The following GAREM1 variants were observed in gnomAD, a reference collection of about 807,000 sequenced individuals.
GAREM1 encodes GRB2-associated and regulator of MAPK protein 1.
A neutral mutation model predicts 71.3 loss-of-function variants in GAREM1; 26 were observed. The observed-to-expected ratio is 0.36, with a 90% CI of 0.27 to 0.51. The LOEUF (loss-of-function observed/expected upper bound fraction) is 0.51. Among genes scored for constraint, GAREM1 ranks in the 20% least tolerant of loss-of-function variants. GAREM1 has a pLI of 0.95. For synonymous variants in GAREM1, 440 were observed against 433.2 expected, an observed-to-expected ratio of 1.02 and a Z score of -0.20; for missense variants, 1,026 against 1,103.1, an observed-to-expected ratio of 0.93 and a Z score of 0.99.
intron 1 of GAREM1, among the ~76,000 whole-genome samples, chr18:32,394,624 T>C (rs923262335): frequency 1.3e-5 from 2 of 152,144 alleles, no homozygotes; most frequent in East Asian, 3.9e-4. Flanking sequence ...GGATGTGGCC[T>C]GGCTTTTTCA....
intron 4 of GAREM1, among the ~76,000 whole-genome samples, chr18:32,278,479 T>C (rs1485190287): frequency 6.6e-6 from 1 of 152,208 alleles, no homozygotes; most frequent in Non-Finnish European, 1.5e-5. Flanking sequence ...GTAGGGGAGC[T>C]TGATTTAAAA....
intron 3 of GAREM1, among the ~76,000 whole-genome samples, chr18:32,304,820 C>T (rs2047236370): frequency 6.6e-6 from 1 of 152,138 alleles, no homozygotes; most frequent in South Asian, 2.1e-4. Flanking sequence ...CTGAGCCACT[C>T]TACAGTCCAA....
At chr18:32,306,462 A>G (rs598074) in intron 3 of GAREM1, among the ~76,000 whole-genome samples, 48,421 of 151,530 alleles carry the variant, frequency 0.32, 10,120 homozygotes, top group African/African-American at 0.6. Flanking sequence ...GTTTAGCAGC[A>G]ACCCCCCCCA....
intron 1 of GAREM1, among the ~76,000 whole-genome samples, chr18:32,455,062 T>C (rs1599060417): frequency 6.6e-6 from 1 of 152,204 alleles, no homozygotes; most frequent in African/African-American, 2.4e-5. Context: ...CTGCATGGAA[T>C]CCAGGATCGA....
intron 1 of GAREM1, among the ~76,000 whole-genome samples, chr18:32,403,919 A>C (rs1240335385): frequency 6.6e-6 from 1 of 152,252 alleles, no homozygotes; most frequent in Admixed American, 6.5e-5. Context: ...TGTAGAAATT[A>C]CAAGCATTTT....
intron 1 of GAREM1, among the ~76,000 whole-genome samples, chr18:32,437,873 A>C (rs1369921830): frequency 6.6e-6 from 1 of 152,188 alleles, no homozygotes; most frequent in East Asian, 1.9e-4. Flanking sequence ...TGCTCCTCAC[A>C]TTCTTAAACT....
rs755005444 is a variant in GAREM1 at position 32,270,296 on chromosome 18, G to A, written c.1654C>T (p.Arg552Cys). 63 of 1,613,932 alleles carry A rather than the reference G, an allele frequency of 3.9e-5. No homozygotes were observed. Among genetic ancestry groups the A allele is most frequent in the Admixed American group, 8.3e-5 (5 of 59,980 alleles). Residue 552 changes from arginine to cysteine, a missense_variant, in exon 5 of 6, where the codon CGC becomes TGC. By Grantham distance (180) the Arg-to-Cys change is radical. Transcript: ENST00000269209. Reference protein sequence around the residue: ...PLSTSPSIPPRTVKPARQQTR... With the variant: ...PLSTSPSIPPCTVKPARQQTR... ...TGTTGCCGCGCTGGCTTGACTGTGCGAGGAGGGATGGAGGGACTGGTGGAC... is the reference window on the plus strand; with the variant it reads ...TGTTGCCGCGCTGGCTTGACTGTGCAAGGAGGGATGGAGGGACTGGTGGAC...
intron 1 of GAREM1, among the ~76,000 whole-genome samples, chr18:32,404,002 T>C (rs1007384316): frequency 6.6e-6 from 1 of 152,184 alleles, no homozygotes; most frequent in African/African-American, 2.4e-5. Context: ...GGAACAAAGG[T>C]ATGCAGGACC....
At chr18:32,317,894 A>G (rs543737021) in intron 2 of GAREM1, among the ~76,000 whole-genome samples, 1 of 151,626 alleles carries the variant, frequency 6.6e-6, no homozygotes, top group South Asian at 2.1e-4. Context: ...TACATGACAC[A>G]TATTCCCACA....
intron 2 of GAREM1, among the ~76,000 whole-genome samples, chr18:32,362,154 G>A (rs1403315563): frequency 1.3e-5 from 2 of 152,122 alleles, no homozygotes; most frequent in African/African-American, 4.8e-5. Flanking sequence ...TCCCATACCA[G>A]ATGTTCTAGC....
At chr18:32,302,622 T>A (rs1184302261) in intron 3 of GAREM1, among the ~76,000 whole-genome samples, 2 of 152,058 alleles carry the variant, frequency 1.3e-5, no homozygotes, top group Non-Finnish European at 2.9e-5. Context: ...GAAAGACAAA[T>A]ACCACATGGT....
intron 2 of GAREM1, among the ~76,000 whole-genome samples, chr18:32,329,546 A>C (rs1368777420): frequency 1.3e-5 from 2 of 151,708 alleles, no homozygotes; most frequent in Non-Finnish European, 2.9e-5. Flanking sequence ...TCTCTACCAA[A>C]AATACAAAAA....
rs945487853 is a variant in GAREM1, at chr18:32,287,663, G to T, written c.934C>A (p.Leu312Met). The part of the protein sequence containing the change: ...TVPKFSLPEH[L>M]VKGESWPETL... ...TCGGGCCAGCTCTCTCCCTTCACCA[G>T]GTGTTCTGGGAGGCTGAACTTGGGG... The change falls in exon 4 of 6, where the codon CTG (leucine) becomes ATG (methionine). Residue 312 changes from leucine (L) to methionine (M), a missense_variant. Physicochemically the swap from Leu to Met is conservative, Grantham distance 15 (BLOSUM62 2). Transcript: ENST00000269209. This position sits in a 1 kb window ranked among gnomAD's most constrained non-coding sequence, Gnocchi z 5.9. The T allele has an allele frequency of 1.2e-6, 2 of 1,614,052 alleles. No homozygotes were observed. Among genetic ancestry groups the T allele is most frequent in the East Asian group, 4.5e-5 (2 of 44,890 alleles).
chr18:32,269,492 T>C (rs556382343), intron 5 of GAREM1, among the ~76,000 whole-genome samples: 71 of 152,072 alleles, frequency 4.7e-4, no homozygotes, highest in Non-Finnish European at 8.4e-4. Flanking sequence ...GGGGAAACAG[T>C]AGAGGGACGC....
intron 1 of GAREM1, among the ~76,000 whole-genome samples, chr18:32,407,102 C>T (rs570388887): frequency 5.4e-4 from 83 of 152,324 alleles, no homozygotes; most frequent in African/African-American, 1.9e-3. Flanking sequence ...CAAGTGCCTA[C>T]GTTTCTACTC....
intron 2 of GAREM1, among the ~76,000 whole-genome samples, chr18:32,361,663 T>C (rs2047867485): frequency 6.6e-6 from 1 of 152,226 alleles, no homozygotes; most frequent in African/African-American, 2.4e-5. Flanking sequence ...GATTTTGACA[T>C]CAGTATTTTA....
In GAREM1 at chr18:32,349,338, C is replaced by A. The variant is rs75782173; in HGVS notation, c.263-39015G>T. On this transcript the variant is annotated intron_variant, in intron 2 of 5. Transcript: ENST00000269209. ...GTTCAACTACTCCCTTCAATCATAG[C>A]CATCTCTCTAAATAAGTTTCAAAAA... 3.9e-5 allele frequency among the ~76,000 whole-genome samples: 6 copies of A among 152,282 alleles called. No individual in the cohort carries two copies. The East Asian group carries it at 1.2e-3, about 29-fold the overall frequency.
At position 32,393,137 on chromosome 18, in the gene GAREM1, T is replaced by C; in HGVS notation, c.122-102A>G. The C allele has an allele frequency of 3.5e-6, 4 of 1,150,990 alleles. No homozygotes were observed. The South Asian group carries it at 5.2e-5, about 15-fold the overall frequency. 71.3% of individuals were successfully genotyped at this position (1,150,990 alleles called of 1,614,324 possible). ...AGTTAAAACTTGACTAATGCAGAAG[T>C]TGACAGTTCATCCCAAGATGAGATA... On this transcript the variant is annotated intron_variant, in intron 1 of 5. Coordinates refer to ENST00000269209, the MANE Select transcript of GAREM1 (RefSeq NM_001242409.2).
At chr18:32,355,154 A>T (rs1320061218) in intron 2 of GAREM1, among the ~76,000 whole-genome samples, 2 of 152,152 alleles carry the variant, frequency 1.3e-5, no homozygotes, top group East Asian at 3.9e-4. Context: ...AAGAAAAAAA[A>T]TTTTTTTAAA....
Sources: allele counts gnomAD v4.1 joint callset (sites outside exome capture counted in the v4.1 genomes callset), GRCh38; gene constraint gnomAD v4.1.1; non-coding constraint Gnocchi (gnomAD v3.1); transcripts MANE v1.5; gene names NCBI Gene and HGNC (gene_info 2026-07-23, HGNC 2026-07-21).